The following PUDP variants were observed in gnomAD, a reference collection of about 807,000 sequenced individuals.
PUDP encodes pseudouridine-5'-phosphatase.
A neutral mutation model predicts 9.4 loss-of-function variants in PUDP; 8 were observed. That is an observed-to-expected ratio of 0.85 (90% CI 0.50 to 1.53). PUDP has a LOEUF of 1.53. Among genes scored for constraint, PUDP ranks in the 40% most tolerant of loss-of-function variants. PUDP has a pLI of 0.00. For synonymous variants in PUDP, 99 were observed against 80.7 expected, an observed-to-expected ratio of 1.23 and a Z score of -1.22; for missense variants, 188 against 189.7, an observed-to-expected ratio of 0.99 and a Z score of 0.05.
chrX:6,918,139 T>C (rs1398669669), intron 3 of PUDP, among the ~76,000 whole-genome samples: 2 of 112,404 alleles, frequency 1.8e-5, no homozygotes, highest in African/African-American at 3.2e-5. Flanking sequence ...ATACCAGATC[T>C]TATTAATCTG....
Position 7,050,050 on chromosome X carries a change from A to C in PUDP, c.*246T>G. 2.8e-6 allele frequency: 1 copy of C among 358,576 alleles called. No individual in the cohort carries two copies. The highest frequency in any genetic ancestry group is 4.4e-5 in the East Asian group (1 of 22,738). 29.6% of individuals were successfully genotyped at this position (358,576 alleles called of 1,213,427 possible). A position where few individuals can be genotyped will look rare whatever the true frequency, so the allele number is the denominator to read the frequency against. On this transcript the variant is annotated 3_prime_UTR_variant, in exon 4 of 4. Coordinates refer to ENST00000381077, the MANE Select transcript of PUDP (RefSeq NM_012080.5). Reference sequence around the variant, plus strand: ...CCATCAGCTTGACTTCTGAGATGGTAATTCAAGTTTCATCTTTGTTCTGGG... The same window carrying C: ...CCATCAGCTTGACTTCTGAGATGGTCATTCAAGTTTCATCTTTGTTCTGGG...
chrX:6,990,402 T>C (rs1170482929), intron 1 of PUDP, among the ~76,000 whole-genome samples: 1 of 112,001 alleles, frequency 8.9e-6, no homozygotes, highest in African/African-American at 3.2e-5. Flanking sequence ...GCCATGTCTT[T>C]TCTTGGGATT....
intron 3 of PUDP, among the ~76,000 whole-genome samples, chrX:6,771,741 G>A (rs948533939): frequency 8.9e-6 from 1 of 112,516 alleles, no homozygotes; most frequent in African/African-American, 3.2e-5. Flanking sequence ...TCAAGGCCAG[G>A]GATTGGCAGA....
At chrX:6,992,150 T>C (rs1221770747) in intron 1 of PUDP, among the ~76,000 whole-genome samples, 1 of 110,857 alleles carries the variant, frequency 9.0e-6, no homozygotes, top group Non-Finnish European at 1.9e-5. Context: ...GCTATAAATT[T>C]CCAAGGACAT....
At chrX:6,842,823 C>T (rs1926692206) in intron 3 of PUDP, among the ~76,000 whole-genome samples, 1 of 112,441 alleles carries the variant, frequency 8.9e-6, no homozygotes, top group African/African-American at 3.2e-5. Flanking sequence ...GAGCACCCCT[C>T]TTCCAACAGT....
At chrX:6,963,963 C>T (rs1332795650) in intron 3 of PUDP, among the ~76,000 whole-genome samples, 2 of 112,173 alleles carry the variant, frequency 1.8e-5, no homozygotes, top group African/African-American at 3.2e-5. Context: ...TCATTCGTCA[C>T]ATTTTCTAAC....
intron 3 of PUDP, among the ~76,000 whole-genome samples, chrX:6,918,475 T>G (rs192246846): frequency 9.0e-6 from 1 of 111,696 alleles, no homozygotes; most frequent in East Asian, 2.8e-4. Context: ...AAAAACATAA[T>G]TTATACCATC....
At chrX:6,927,458 G>A (rs756346283) in intron 3 of PUDP, among the ~76,000 whole-genome samples, 1 of 112,071 alleles carries the variant, frequency 8.9e-6, no homozygotes, top group Admixed American at 9.5e-5. Context: ...ACTTATAGCT[G>A]GGATCCTCAG....
intron 3 of PUDP, among the ~76,000 whole-genome samples, chrX:6,727,584 C>T (rs762394609): frequency 5.4e-5 from 6 of 111,521 alleles, no homozygotes; most frequent in South Asian, 3.8e-4. Flanking sequence ...CTTAATGAGT[C>T]GACCAATCAT....
intron 3 of PUDP, among the ~76,000 whole-genome samples, chrX:6,808,206 G>C (rs1466064497): frequency 9.0e-6 from 1 of 111,207 alleles, no homozygotes; most frequent in Admixed American, 9.6e-5. Flanking sequence ...ACATATCTAA[G>C]TTCCTAATGG....
At chrX:7,119,884 GA>G (rs774980060) in intron 1 of PUDP, among the ~76,000 whole-genome samples, 1 of 112,230 alleles carries the variant, frequency 8.9e-6, no homozygotes, top group Admixed American at 9.4e-5. Context: ...GAAAACAGGA[GA>G]AAAATTCTTG....
At chrX:6,969,467 C>G (rs904396664) in intron 3 of PUDP, among the ~76,000 whole-genome samples, 4 of 112,243 alleles carry the variant, frequency 3.6e-5, no homozygotes, top group Non-Finnish European at 7.5e-5. Flanking sequence ...GAACAGATCT[C>G]TTTGCAAAAG....
intron 3 of PUDP, among the ~76,000 whole-genome samples, chrX:6,954,465 C>T (rs1928597888): frequency 9.0e-6 from 1 of 111,051 alleles, no homozygotes; most frequent in Non-Finnish European, 1.9e-5. Flanking sequence ...TCGGCTTTTA[C>T]CCCTCTTGTG....
intron 3 of PUDP, among the ~76,000 whole-genome samples, chrX:6,755,777 T>A (rs755986629): frequency 2.7e-5 from 3 of 110,182 alleles, no homozygotes; most frequent in African/African-American, 9.9e-5. Flanking sequence ...GTTACAGATT[T>A]TGAGTCATTT....
At chrX:6,786,077 C>G (rs770447542) in intron 3 of PUDP, among the ~76,000 whole-genome samples, 2 of 111,795 alleles carry the variant, frequency 1.8e-5, no homozygotes, top group South Asian at 7.6e-4. Context: ...GCTGTTCTCT[C>G]TCCTTCTAAA....
chrX:7,005,024 T>G (rs1334046989), intron 1 of PUDP, among the ~76,000 whole-genome samples: 1 of 111,935 alleles, frequency 8.9e-6, no homozygotes, highest in Non-Finnish European at 1.9e-5. Flanking sequence ...TACGTATAAG[T>G]CAGTCGGCAG....
intron 3 of PUDP, among the ~76,000 whole-genome samples, chrX:6,921,079 G>A (rs766674946): frequency 1.5e-4 from 17 of 110,679 alleles, no homozygotes; most frequent in Non-Finnish European, 2.5e-4. Context: ...CTTGAGTCAC[G>A]GGTCATCAGA....
At chrX:6,852,068 T>G (rs1428227398) in intron 3 of PUDP, among the ~76,000 whole-genome samples, 6 of 112,239 alleles carry the variant, frequency 5.3e-5, no homozygotes, top group Admixed American at 9.4e-5. Flanking sequence ...AGCTGAGGAA[T>G]TCATGCAGAA....
chrX:6,967,484 C>T (rs1172130294), intron 3 of PUDP, among the ~76,000 whole-genome samples: 2 of 111,914 alleles, frequency 1.8e-5, no homozygotes, highest in African/African-American at 3.2e-5. Context: ...TGCTCTCCCT[C>T]ACCCAGAAGT....
Sources: gnomAD v4.1 joint callset for allele counts (sites outside exome capture counted in the v4.1 genomes callset) on GRCh38, gnomAD v4.1.1 for gene constraint, MANE v1.5 for transcripts, NCBI Gene and HGNC (gene_info 2026-07-23, HGNC 2026-07-21) for gene names.